KCNK9: variants seen among roughly 807,000 people sequenced by gnomAD.
KCNK9 encodes the protein potassium two pore domain channel subfamily K member 9.
Under a neutral mutation model 10.8 loss-of-function variants are expected in KCNK9, and 1 was observed. The ratio of observed to expected loss-of-function variants is 0.09; its 90% CI spans 0.03 to 0.44. KCNK9 has a LOEUF of 0.44. Ranked by LOEUF, KCNK9 falls within the 20% of genes least tolerant of loss-of-function variation. The pLI is 0.97. For missense variants in KCNK9, 303 were observed against 515.0 expected, an observed-to-expected ratio of 0.59 and a Z score of 3.98; for synonymous variants, 231 against 222.7, an observed-to-expected ratio of 1.04 and a Z score of -0.33.
At chr8:139,678,453 C>T (rs1732127333) in intron 1 of KCNK9, among the ~76,000 whole-genome samples, 1 of 152,232 alleles carries the variant, frequency 6.6e-6, no homozygotes, top group South Asian at 2.1e-4. Flanking sequence ...GGCTCTTGGT[C>T]AGCACCCAGC....
At chr8:139,644,105 A>G (rs985224064) in intron 1 of KCNK9, among the ~76,000 whole-genome samples, 2 of 152,230 alleles carry the variant, frequency 1.3e-5, no homozygotes, top group African/African-American at 2.4e-5. Flanking sequence ...AGCCCATTGC[A>G]GGAAGGGCTT....
At chr8:139,645,572 CCT>C (rs1403301460) in intron 1 of KCNK9, among the ~76,000 whole-genome samples, 1 of 152,158 alleles carries the variant, frequency 6.6e-6, no homozygotes, top group Non-Finnish European at 1.5e-5. Context: ...TCTTGAAAAC[CCT>C]GAGCCTGACA....
chr8:139,603,667 C>T (rs116553227), intron 2 of KCNK9, among the ~76,000 whole-genome samples: 4,198 of 152,268 alleles, frequency 0.028, 190 homozygotes, highest in African/African-American at 0.092. Context: ...GGCAGGAAGA[C>T]GAGGCATCAG....
chr8:139,617,247 G>A lies in KCNK9; in HGVS notation c.*1011C>T, dbSNP rs778524811. 5.9e-5 allele frequency among the ~76,000 whole-genome samples: 9 copies of A among 152,270 alleles called. No homozygotes were observed. Among genetic ancestry groups the A allele is most frequent in the East Asian group, 5.8e-4 (3 of 5,182 alleles). Reference sequence around the variant, plus strand: ...TTCCAACACTATAATTCTTATTTATGCAGGGTAGGTGCTGCACAAAATCAT... The same window carrying A: ...TTCCAACACTATAATTCTTATTTATACAGGGTAGGTGCTGCACAAAATCAT... On this transcript the variant is annotated 3_prime_UTR_variant, in exon 2 of 2. Transcript: ENST00000520439.
chr8:139,624,487 A>G (rs943818178), intron 1 of KCNK9, among the ~76,000 whole-genome samples: 17 of 152,146 alleles, frequency 1.1e-4, no homozygotes, highest in African/African-American at 3.6e-4. Context: ...TGCATCACTC[A>G]GTGCTTTAGG....
chr8:139,680,167 G>A (rs1264845499), intron 1 of KCNK9, among the ~76,000 whole-genome samples: 1 of 152,198 alleles, frequency 6.6e-6, no homozygotes, highest in Non-Finnish European at 1.5e-5. Flanking sequence ...CCTCTGCCCA[G>A]AGCCAGCCAA....
downstream of KCNK9, among the ~76,000 whole-genome samples, chr8:139,609,595 A>G (rs1814354587): frequency 6.6e-6 from 1 of 152,230 alleles, no homozygotes; most frequent in Admixed American, 6.5e-5. Context: ...TGCTCTGCAG[A>G]TACTGATGAC....
intron 1 of KCNK9, among the ~76,000 whole-genome samples, chr8:139,681,550 C>T (rs986629171): frequency 3.9e-5 from 6 of 152,216 alleles, no homozygotes; most frequent in African/African-American, 1.4e-4. Flanking sequence ...GGCAGACTTC[C>T]TGGTGCCCCT....
chr8:139,675,587 C>T (rs1816530813), intron 1 of KCNK9, among the ~76,000 whole-genome samples: 1 of 152,196 alleles, frequency 6.6e-6, no homozygotes, highest in African/African-American at 2.4e-5. Flanking sequence ...CCACCCTGAT[C>T]TCAGCTTTCC....
chr8:139,618,026 A>AT lies in KCNK9; in HGVS notation c.*231dup. ...GAAGGAAGGAGGAGATCCATGCTTC[A>AT]TGCTCAGATGTGAGTTTCAGAGGAG... is the stretch of plus-strand genomic sequence containing the variant. On this transcript the variant is annotated 3_prime_UTR_variant, in exon 2 of 2. Coordinates refer to ENST00000520439, the MANE Select transcript of KCNK9 (RefSeq NM_001282534.2). The surrounding 1 kb of genome is among the most constrained non-coding windows in gnomAD (Gnocchi z 7.9). The AT allele has an allele frequency of 1.8e-6, 1 of 553,718 alleles. No individual in the cohort carries two copies. Among genetic ancestry groups the AT allele is most frequent in the Non-Finnish European group, 3.2e-6 (1 of 315,520 alleles). The allele number at this position is 553,718 out of a possible 1,614,324, so 34.3% of individuals were successfully genotyped here.
intron 2 of KCNK9, among the ~76,000 whole-genome samples, chr8:139,606,176 G>C (rs554235080): frequency 2.6e-5 from 4 of 152,110 alleles, no homozygotes; most frequent in African/African-American, 9.7e-5. Context: ...GTAAGGGTCC[G>C]GGACCAACCA....
intron 1 of KCNK9, among the ~76,000 whole-genome samples, chr8:139,701,385 A>C (rs1053898006): frequency 3.3e-5 from 5 of 152,260 alleles, no homozygotes; most frequent in Non-Finnish European, 5.9e-5. Flanking sequence ...CAAGAAGGAA[A>C]GACAGGCCGT....
At chr8:139,663,373 A>G (rs1263774020) in intron 1 of KCNK9, among the ~76,000 whole-genome samples, 1 of 152,016 alleles carries the variant, frequency 6.6e-6, no homozygotes, top group Admixed American at 6.6e-5. Flanking sequence ...AGGTGGTCAC[A>G]TGCTCTCGGC....
At chr8:139,613,872 C>T (rs1251497657), downstream of KCNK9, among the ~76,000 whole-genome samples, 9 of 152,238 alleles carry the variant, frequency 5.9e-5, no homozygotes, top group South Asian at 1.9e-3. Flanking sequence ...ACTCCACTTC[C>T]AGAACAAAGC....
chr8:139,626,565 T>C lies in KCNK9; in HGVS notation c.284-7466A>G, dbSNP rs1312303194. On this transcript the variant is annotated intron_variant, in intron 1 of 1. Transcript: ENST00000520439. Reference sequence around the variant, plus strand: ...ATGGTCACCTCCCTCCCTGGGCCTCTTTCTCTTCTGTCACTGCAACCCCAG... The same window carrying C: ...ATGGTCACCTCCCTCCCTGGGCCTCCTTCTCTTCTGTCACTGCAACCCCAG... Among the ~76,000 whole-genome samples, 4 of 152,140 alleles carry C rather than the reference T, an allele frequency of 2.6e-5. No individual in the cohort carries two copies. The South Asian group carries it at 8.3e-4, about 32-fold the overall frequency.
At chr8:139,628,864 C>T (rs1297064676) in intron 1 of KCNK9, among the ~76,000 whole-genome samples, 1 of 152,214 alleles carries the variant, frequency 6.6e-6, no homozygotes, top group Admixed American at 6.5e-5. Flanking sequence ...GTGAGGCCCC[C>T]TCAGGAGAGC....
intron 1 of KCNK9, among the ~76,000 whole-genome samples, chr8:139,660,471 T>TATA (rs1816127022): frequency 6.2e-5 from 9 of 146,004 alleles, no homozygotes; most frequent in South Asian, 2.2e-4. Context: ...TATATATATA[T>TATA]TAGCCGGGCA....
At chr8:139,628,910 G>T (rs1815071398) in intron 1 of KCNK9, among the ~76,000 whole-genome samples, 1 of 152,142 alleles carries the variant, frequency 6.6e-6, no homozygotes, top group Non-Finnish European at 1.5e-5. Flanking sequence ...CAGCCTCAGG[G>T]AGCCCCGTTG....
intron 1 of KCNK9, among the ~76,000 whole-genome samples, chr8:139,643,722 G>GT (rs986863202): frequency 1.3e-5 from 2 of 152,186 alleles, no homozygotes; most frequent in Non-Finnish European, 2.9e-5. Flanking sequence ...ATGCATGGGG[G>GT]TCTCAGGGGC....
Sources: gnomAD v4.1 joint callset for allele counts (sites outside exome capture counted in the v4.1 genomes callset) on GRCh38, gnomAD v4.1.1 for gene constraint, Gnocchi (gnomAD v3.1) non-coding constraint, MANE v1.5 for transcripts, NCBI Gene and HGNC (gene_info 2026-07-23, HGNC 2026-07-21) for gene names.